CYREN: variants seen among roughly 807,000 people sequenced by gnomAD.
The protein encoded by CYREN is cell cycle regulator of non-homologous end joining.
A neutral mutation model predicts 9.7 loss-of-function variants in CYREN; 7 were observed. The observed-to-expected ratio is 0.72, with a 90% CI of 0.41 to 1.36. CYREN has a LOEUF of 1.36. CYREN is among the 40% of genes most tolerant of loss of function. The pLI is 0.01. For synonymous variants in CYREN, 76 were observed against 77.9 expected (o/e 0.98, Z 0.13); for missense variants, 215 against 198.1 (o/e 1.09, Z -0.51).
chr7:135,116,894 T>C (rs532443337), intron 2 of CYREN, among the ~76,000 whole-genome samples: 1 of 152,314 alleles, frequency 6.6e-6, no homozygotes, highest in South Asian at 2.1e-4. Context: ...TTTGTGCATG[T>C]GTCTGGGCAC....
chr7:135,126,580 A>T (rs138684469), intron 2 of CYREN, among the ~76,000 whole-genome samples: 111 of 152,380 alleles, frequency 7.3e-4, no homozygotes, highest in African/African-American at 2.6e-3. Flanking sequence ...CGAATAGCCA[A>T]GACAATCCTA....
At chr7:135,094,321 T>C (rs1490362438) in exon 3 of CYREN, 1 of 455,272 alleles carries the variant, frequency 2.2e-6, no homozygotes, top group Admixed American at 2.4e-5. Flanking sequence ...AGTAAACTAC[T>C]ACCCTGAAAT....
intron 2 of CYREN, among the ~76,000 whole-genome samples, chr7:135,139,831 T>C (rs552337310): frequency 7.2e-5 from 11 of 152,196 alleles, no homozygotes; most frequent in African/African-American, 2.2e-4. Flanking sequence ...AATAGGGTGC[T>C]CTTTCCCCAT....
intron 2 of CYREN, among the ~76,000 whole-genome samples, chr7:135,122,102 A>C (rs1011649533): frequency 6.6e-6 from 1 of 152,202 alleles, no homozygotes; most frequent in Non-Finnish European, 1.5e-5. Context: ...GGCAGCAGCC[A>C]GCACTGGGAC....
intron 2 of CYREN, among the ~76,000 whole-genome samples, chr7:135,108,248 C>T (rs936426862): frequency 6.6e-5 from 10 of 152,078 alleles, no homozygotes; most frequent in African/African-American, 2.4e-4. Context: ...GGATTTGATC[C>T]TGTCATTGTG....
chr7:135,134,054 G>C (rs1829149052), intron 2 of CYREN, among the ~76,000 whole-genome samples: 1 of 151,980 alleles, frequency 6.6e-6, no homozygotes, highest in South Asian at 2.1e-4. Context: ...GATTAATAAT[G>C]GTTGCCAGGA....
intron 2 of CYREN, among the ~76,000 whole-genome samples, chr7:135,125,613 A>T (rs1165181415): frequency 6.6e-6 from 1 of 152,208 alleles, no homozygotes; most frequent in Non-Finnish European, 1.5e-5. Flanking sequence ...TCAGACCAAT[A>T]TTCCTGATGA....
downstream of CYREN, among the ~76,000 whole-genome samples, chr7:135,164,188 G>A (rs189679143): frequency 3.8e-4 from 58 of 152,368 alleles, no homozygotes; most frequent in African/African-American, 1.3e-3. Flanking sequence ...TTTCAAAGCT[G>A]CTTGGGAGAG....
chr7:135,098,078 G>GCCTAAAGGA (rs1823188040), intron 2 of CYREN, among the ~76,000 whole-genome samples: 2 of 152,088 alleles, frequency 1.3e-5, no homozygotes, highest in African/African-American at 4.8e-5. Flanking sequence ...GATGCAAAGG[G>GCCTAAAGGA]CCTAAATGAC....
intron 2 of CYREN, among the ~76,000 whole-genome samples, chr7:135,125,948 G>T (rs1346885173): frequency 6.6e-6 from 1 of 152,110 alleles, no homozygotes; most frequent in Non-Finnish European, 1.5e-5. Context: ...TATTGAATAG[G>T]CAAAAGCTGG....
chr7:135,155,778 G>A (rs139500655), intron 2 of CYREN, among the ~76,000 whole-genome samples: 209 of 152,334 alleles, frequency 1.4e-3, no homozygotes, highest in Non-Finnish European at 2.5e-3. Flanking sequence ...TTGAGCCCAC[G>A]AGGTCAAGGC....
chr7:135,163,004 C>T (rs1829985604), downstream of CYREN, among the ~76,000 whole-genome samples: 2 of 152,334 alleles, frequency 1.3e-5, no homozygotes, highest in Non-Finnish European at 2.9e-5. Flanking sequence ...TATTTCTACC[C>T]TTGATCCAAT....
intron 2 of CYREN, chr7:135,148,149 C>T: frequency 2.2e-6 from 1 of 450,168 alleles, no homozygotes; most frequent in South Asian, 1.6e-5. Flanking sequence ...CATTTCCCTT[C>T]CACTCCTCCT....
intron 2 of CYREN, chr7:135,129,422 G>A: frequency 1.3e-6 from 1 of 789,602 alleles, no homozygotes; most frequent in South Asian, 1.3e-5. Context: ...GGGTGATTCA[G>A]AAGGCACTGG....
chr7:135,163,037 C>T (rs1829986792), downstream of CYREN, among the ~76,000 whole-genome samples: 1 of 152,308 alleles, frequency 6.6e-6, no homozygotes, highest in African/African-American at 2.4e-5. Context: ...AGGTAGATCA[C>T]CTGAGAAAAA....
chr7:135,146,252 G>A (rs1200285975), intron 2 of CYREN, among the ~76,000 whole-genome samples: 1 of 152,198 alleles, frequency 6.6e-6, no homozygotes, highest in African/African-American at 2.4e-5. Flanking sequence ...CACCAACACA[G>A]AGTTGGTGGA....
intron 2 of CYREN, among the ~76,000 whole-genome samples, chr7:135,122,052 T>C (rs959092271): frequency 6.6e-6 from 1 of 152,214 alleles, no homozygotes; most frequent in African/African-American, 2.4e-5. Context: ...CACAGCTGTG[T>C]CTGCCTGCTG....
At chr7:135,105,294 T>G (rs561838492) in intron 2 of CYREN, among the ~76,000 whole-genome samples, 28 of 151,794 alleles carry the variant, frequency 1.8e-4, no homozygotes, top group African/African-American at 6.5e-4. Flanking sequence ...GGTCTTGAAC[T>G]CCTGACCTCA....
Position 135,121,075 on chromosome 7 carries a change from C to T in CYREN, n.357-26493G>A, listed in dbSNP as rs574894634. The stretch of plus-strand genomic sequence containing the variant: ...AAAAAATTAGCCGGGTGTGGTGTCT[C>T]ATACCTGTAATCCCAGCTACTCGGG... On this transcript the variant is annotated intron_variant and non_coding_transcript_variant, in intron 2 of 2. Transcript: ENST00000459937. 2.7e-4 allele frequency among the ~76,000 whole-genome samples: 41 copies of T among 152,196 alleles called. No individual in the cohort carries two copies. In the East Asian group the frequency reaches 6.9e-3, roughly 26 times the overall value.
Sources: allele counts gnomAD v4.1 joint callset (sites outside exome capture counted in the v4.1 genomes callset), GRCh38; gene constraint gnomAD v4.1.1; transcripts MANE v1.5; gene names NCBI Gene and HGNC (gene_info 2026-07-23, HGNC 2026-07-21).